FBXL18: variants seen among roughly 807,000 people sequenced by gnomAD.
The protein encoded by FBXL18 is F-box/LRR-repeat protein 18.
FBXL18 carries 36 observed loss-of-function variants against 46.0 expected under a neutral mutation model. That is an observed-to-expected ratio of 0.78 (90% CI 0.60 to 1.03). FBXL18 has a LOEUF of 1.03. Among genes scored for constraint, FBXL18 ranks in the 50% least tolerant of loss-of-function variants. The pLI is 0.00. For missense variants in FBXL18, 977 were observed against 1,004.1 expected, an observed-to-expected ratio of 0.97 and a Z score of 0.36; for synonymous variants, 557 against 465.3, an observed-to-expected ratio of 1.20 and a Z score of -2.54.
At chr7:5,473,015 T>C (rs1463748416), downstream of FBXL18, among the ~76,000 whole-genome samples, 2 of 152,066 alleles carry the variant, frequency 1.3e-5, no homozygotes, top group African/African-American at 2.4e-5. Context: ...CTCTCTCCCC[T>C]GCTGCAGCCA....
intron 2 of FBXL18, among the ~76,000 whole-genome samples, chr7:5,502,629 G>A (rs1784296218): frequency 6.6e-6 from 1 of 152,046 alleles, no homozygotes; most frequent in African/African-American, 2.4e-5. Flanking sequence ...TCAGGAGGTC[G>A]AGACCATCCT....
intron 4 of FBXL18, among the ~76,000 whole-genome samples, chr7:5,470,567 G>A (rs887248670): frequency 2.0e-5 from 3 of 152,170 alleles, no homozygotes; most frequent in Admixed American, 2.0e-4. Flanking sequence ...CGGCTCCTGA[G>A]TGTCACCACG....
downstream of FBXL18, among the ~76,000 whole-genome samples, chr7:5,473,478 A>C (rs4346902): frequency 0.91 from 138,008 of 152,132 alleles, 62,686 homozygotes; most frequent in East Asian, 0.95. Context: ...CAAGAGCACA[A>C]GTGCCGGGTG....
chr7:5,504,025 C>A (rs1479429191), intron 2 of FBXL18, among the ~76,000 whole-genome samples: 1 of 150,996 alleles, frequency 6.6e-6, no homozygotes, highest in African/African-American at 2.4e-5. Context: ...AGGCGCCGAG[C>A]CCTTCCTCTG....
At chr7:5,461,833 C>G (rs574039507) in intron 4 of FBXL18, among the ~76,000 whole-genome samples, 3 of 152,118 alleles carry the variant, frequency 2.0e-5, no homozygotes, top group African/African-American at 7.2e-5. Context: ...CCCAGCTACT[C>G]GAGAGGCTGA....
At chr7:5,470,539 C>A (rs893140486) in intron 4 of FBXL18, among the ~76,000 whole-genome samples, 1 of 152,182 alleles carries the variant, frequency 6.6e-6, no homozygotes, top group Non-Finnish European at 1.5e-5. Context: ...AAGGGCCTGG[C>A]CAGCAAGTCA....
chr7:5,467,932 G>A (rs968769028), intron 4 of FBXL18, among the ~76,000 whole-genome samples: 2 of 152,008 alleles, frequency 1.3e-5, no homozygotes, highest in African/African-American at 4.8e-5. Flanking sequence ...GCTGCACTGC[G>A]TGTGTGAGCA....
At chr7:5,462,614 C>G (rs906520279) in intron 4 of FBXL18, among the ~76,000 whole-genome samples, 2 of 152,066 alleles carry the variant, frequency 1.3e-5, no homozygotes, top group African/African-American at 4.8e-5. Context: ...AATCTCCACT[C>G]TCTTACTGGG....
At chr7:5,459,349 G>C (rs1783212760) in intron 4 of FBXL18, among the ~76,000 whole-genome samples, 1 of 151,904 alleles carries the variant, frequency 6.6e-6, no homozygotes, top group Non-Finnish European at 1.5e-5. Context: ...ATGCCTGCAA[G>C]CCCAGCACTT....
Position 5,476,886 on chromosome 7 carries a change from CTTTTGT to C in FBXL18, c.*4883_*4888del. Reference sequence around the variant, plus strand: ...TCATGCCCAGTAGATCTAGAAACTTCTTTTGTTTTTTTTTTTTTTGAGACGGAGTCT... The same window carrying C: ...TCATGCCCAGTAGATCTAGAAACTTCTTTTTTTTTTTTTGAGACGGAGTCT... On this transcript the variant is annotated 3_prime_UTR_variant, in exon 5 of 5. Coordinates refer to ENST00000382368, the MANE Select transcript of FBXL18 (RefSeq NM_024963.6). The C allele has an allele frequency of 6.7e-6, 1 of 150,028 alleles. No homozygotes were observed. The highest frequency in any genetic ancestry group is 1.5e-5 in the Non-Finnish European group (1 of 67,544). The allele number at this position is 150,028 out of a possible 1,614,324, so 9.3% of individuals were successfully genotyped here.
chr7:5,510,662 G>C (rs959587893), intron 1 of FBXL18, among the ~76,000 whole-genome samples: 1 of 149,852 alleles, frequency 6.7e-6, no homozygotes, highest in South Asian at 2.1e-4. Context: ...CTCCAGCCTG[G>C]GCAACAGAGT....
At chr7:5,484,597 G>A (rs1383547577) in intron 4 of FBXL18, among the ~76,000 whole-genome samples, 1 of 151,274 alleles carries the variant, frequency 6.6e-6, no homozygotes, top group Non-Finnish European at 1.5e-5. Flanking sequence ...ACTGAAGCCA[G>A]TAGCTGGGAC....
chr7:5,507,404 G>A (rs925031547), intron 1 of FBXL18, among the ~76,000 whole-genome samples: 3 of 152,014 alleles, frequency 2.0e-5, no homozygotes, highest in Non-Finnish European at 4.4e-5. Context: ...TCTTCCCTGG[G>A]AACAAAGAAG....
At chr7:5,487,220 C>T (rs914709162) in intron 4 of FBXL18, among the ~76,000 whole-genome samples, 5 of 152,366 alleles carry the variant, frequency 3.3e-5, no homozygotes, top group South Asian at 2.1e-4. Context: ...GCCACACTGC[C>T]GTGACCGGGG....
In FBXL18 at chr7:5,501,175, T is replaced by C; in HGVS notation, c.1094A>G (p.Lys365Arg). Residue 365 changes from lysine to arginine, a missense_variant, in exon 3 of 5, where the codon AAG becomes AGG. Transcript: ENST00000382368. ...HCLSPDSLLR[K>R]AEDDIDSSIL... ...GCTGCTGTCGATGTCGTCCTCCGCCTTGCGGAGCAGCGAGTCTGGGGACAG... is the reference window on the plus strand; with the variant it reads ...GCTGCTGTCGATGTCGTCCTCCGCCCTGCGGAGCAGCGAGTCTGGGGACAG... 1.2e-6 allele frequency: 2 copies of C among 1,613,216 alleles called. No individual in the cohort carries two copies. Among genetic ancestry groups the C allele is most frequent in the Non-Finnish European group, 8.5e-7 (1 of 1,179,704 alleles).
At chr7:5,470,863 G>A (rs774415822), downstream of FBXL18, among the ~76,000 whole-genome samples, 3 of 152,266 alleles carry the variant, frequency 2.0e-5, no homozygotes, top group East Asian at 1.9e-4. Flanking sequence ...TGGAGATGGC[G>A]GTGGCTGAGA....
At chr7:5,511,431 A>C (rs1784528652) in intron 1 of FBXL18, among the ~76,000 whole-genome samples, 2 of 152,034 alleles carry the variant, frequency 1.3e-5, no homozygotes, top group Non-Finnish European at 2.9e-5. Flanking sequence ...ATACAAAAAA[A>C]AAATGTATTT....
rs558202169 is a variant in FBXL18 at position 5,455,606 on chromosome 7, C to T, written c.2001-7763G>A. On this transcript the variant is annotated intron_variant and NMD_transcript_variant, in intron 4 of 6. Transcript: ENST00000415009. The surrounding 1 kb of genome is among the most constrained non-coding windows in gnomAD (Gnocchi z 4.6). ...CTATTATGGGTTTGCATTCCCATGG[C>T]GCCAAGTCGGTCCTGAGAAGATCCT... Among the ~76,000 whole-genome samples the T allele has an allele frequency of 5.3e-5, 8 of 152,254 alleles. No homozygotes were observed. Among genetic ancestry groups the T allele is most frequent in the South Asian group, 4.1e-4 (2 of 4,826 alleles).
Position 5,491,347 on chromosome 7 carries a change from G to C in FBXL18, c.1884C>G (p.Leu628=). 1 of 1,611,326 alleles carries C rather than the reference G, an allele frequency of 6.2e-7. No homozygotes were observed. Among genetic ancestry groups the C allele is most frequent in the Non-Finnish European group, 8.5e-7 (1 of 1,179,376 alleles). ...RLCLVSRSGT[L]QPDAVLAFMA... is the part of the protein sequence containing the mutation. ...TGAAGGCCAGCACGGCATCGGGCTG[G>C]AGGGTGCCGCTGCGAGAGACCAGGC... is the stretch of plus-strand genomic sequence containing the variant. Residue 628 remains leucine, a synonymous_variant, in exon 4 of 5, where the codon CTC becomes CTG. Coordinates refer to ENST00000382368, the MANE Select transcript of FBXL18 (RefSeq NM_024963.6).
Sources: gnomAD v4.1 joint callset for allele counts (sites outside exome capture counted in the v4.1 genomes callset) on GRCh38, gnomAD v4.1.1 for gene constraint, Gnocchi (gnomAD v3.1) non-coding constraint, MANE v1.5 for transcripts, NCBI Gene and HGNC (gene_info 2026-07-23, HGNC 2026-07-21) for gene names.